ZNF148: variants seen among roughly 807,000 people sequenced by gnomAD.
ZNF148 encodes the protein Beta-Enolase Repressor Factor-1.
Under a neutral mutation model 67.7 loss-of-function variants are expected in ZNF148, and 7 were observed. The observed-to-expected ratio is 0.10, with a 90% CI of 0.06 to 0.19. ZNF148 has a LOEUF of 0.19. Ranked by LOEUF, ZNF148 falls within the 10% of genes least tolerant of loss-of-function variation. The pLI is 1.00. For synonymous variants in ZNF148, 333 were observed against 330.7 expected (o/e 1.01, Z -0.08); for missense variants, 583 against 947.1 (o/e 0.62, Z 5.05).
At position 125,275,927 on chromosome 3, in the gene ZNF148, C is replaced by T. The variant is rs77883177; in HGVS notation, c.667+1799G>A. ...ACACCTGCCCTAAGAACGGACAGCACATGTGTCTCTTCCTCAGGGCACAAT... is the reference window on the plus strand; with the variant it reads ...ACACCTGCCCTAAGAACGGACAGCATATGTGTCTCTTCCTCAGGGCACAAT... On this transcript the variant is annotated intron_variant, in intron 7 of 8. Coordinates refer to ENST00000360647, the MANE Select transcript of ZNF148 (RefSeq NM_021964.3). 5.7e-3 allele frequency among the ~76,000 whole-genome samples: 869 copies of T among 152,284 alleles called. 8 individuals are homozygous for T. Among genetic ancestry groups the T allele is most frequent in the African/African-American group, 0.02 (839 of 41,546 alleles).
chr3:125,232,448 G>T lies in ZNF148; in HGVS notation c.2278C>A (p.Pro760Thr). ...TANGQVNLRG[P>T]GTSAEFSEFP... Reference sequence around the variant, plus strand: ...TCTGAAAATTCAGCACTTGTCCCTGGTCCCCGAAGGTTCACCTGTCCATTG... The same window carrying T: ...TCTGAAAATTCAGCACTTGTCCCTGTTCCCCGAAGGTTCACCTGTCCATTG... The change falls in exon 9 of 9, where the codon CCA (proline) becomes ACA (threonine). Residue 760 changes from proline to threonine, a missense_variant. By Grantham distance (38) the Pro-to-Thr change is conservative. Coordinates refer to ENST00000360647, the MANE Select transcript of ZNF148 (RefSeq NM_021964.3). The surrounding 1 kb of genome is among the most constrained non-coding windows in gnomAD (Gnocchi z 4.2). 1 of 1,613,356 alleles carries T rather than the reference G, an allele frequency of 6.2e-7. No homozygotes were observed. Among genetic ancestry groups the T allele is most frequent in the Non-Finnish European group, 8.5e-7 (1 of 1,179,716 alleles).
At chr3:125,307,922 T>C (rs1430314375) in intron 4 of ZNF148, among the ~76,000 whole-genome samples, 2 of 151,802 alleles carry the variant, frequency 1.3e-5, no homozygotes, top group African/African-American at 4.8e-5. Flanking sequence ...CCTAAAGTGC[T>C]GAGATTACAG....
At chr3:125,300,932 A>G (rs963127054) in intron 4 of ZNF148, among the ~76,000 whole-genome samples, 13 of 147,388 alleles carry the variant, frequency 8.8e-5, no homozygotes, top group Admixed American at 6.9e-4. Context: ...AATGGGTCTG[A>G]TAAGTGTAAA....
chr3:125,335,276 T>G (rs574002113), intron 1 of ZNF148, among the ~76,000 whole-genome samples: 7 of 152,272 alleles, frequency 4.6e-5, no homozygotes, highest in Non-Finnish European at 7.4e-5. Flanking sequence ...TAATTATTAG[T>G]AAAGCTGGAA....
chr3:125,357,077 G>T (rs1440533558), intron 1 of ZNF148: 1 of 152,196 alleles, frequency 6.6e-6, no homozygotes, highest in Non-Finnish European at 1.5e-5. Context: ...GCCTTCGGCG[G>T]CCCCCCCGCT....
intron 1 of ZNF148, among the ~76,000 whole-genome samples, chr3:125,342,088 ATAAAT>A (rs1221548442): frequency 6.6e-6 from 1 of 151,380 alleles, no homozygotes; most frequent in Non-Finnish European, 1.5e-5. Context: ...AGAGAAGAAA[ATAAAT>A]TGAAAAAAGT....
intron 3 of ZNF148, among the ~76,000 whole-genome samples, chr3:125,320,887 T>C (rs1940739922): frequency 6.6e-6 from 1 of 152,170 alleles, no homozygotes; most frequent in Non-Finnish European, 1.5e-5. Flanking sequence ...TTTCTAACCG[T>C]GAGAAATTAT....
At chr3:125,263,451 TGGGGCAGGA>T (rs1412857743) in intron 7 of ZNF148, among the ~76,000 whole-genome samples, 1 of 151,328 alleles carries the variant, frequency 6.6e-6, no homozygotes, top group Non-Finnish European at 1.5e-5. Flanking sequence ...CTCAGGAGGC[TGGGGCAGGA>T]GAATCACTTG....
At chr3:125,296,909 T>TATAG (rs1396155931) in intron 4 of ZNF148, among the ~76,000 whole-genome samples, 1 of 151,364 alleles carries the variant, frequency 6.6e-6, no homozygotes, top group Non-Finnish European at 1.5e-5. Context: ...CAAACACAAA[T>TATAG]ATAGACACAG....
At chr3:125,311,731 A>G (rs1940227127) in intron 4 of ZNF148, among the ~76,000 whole-genome samples, 1 of 152,148 alleles carries the variant, frequency 6.6e-6, no homozygotes, top group Non-Finnish European at 1.5e-5. Flanking sequence ...AAAAGAGAAA[A>G]CACAAATTAC....
intron 1 of ZNF148, among the ~76,000 whole-genome samples, chr3:125,370,544 A>C (rs1485721020): frequency 6.6e-6 from 1 of 152,234 alleles, no homozygotes; most frequent in Non-Finnish European, 1.5e-5. Flanking sequence ...ATTGTCACAA[A>C]TACAAAATTT....
chr3:125,287,717 A>T (rs1202824658), intron 5 of ZNF148, among the ~76,000 whole-genome samples: 1 of 152,212 alleles, frequency 6.6e-6, no homozygotes, highest in Non-Finnish European at 1.5e-5. Flanking sequence ...TGTGAACAAA[A>T]TGAAGTCCCT....
At chr3:125,374,191 T>A (rs1253057303) in intron 1 of ZNF148, among the ~76,000 whole-genome samples, 1 of 152,088 alleles carries the variant, frequency 6.6e-6, no homozygotes, top group African/African-American at 2.4e-5. Flanking sequence ...AATCTAATTC[T>A]CAGTGACCCC....
In ZNF148 at chr3:125,228,667, T is replaced by C. The variant is rs1237940468; in HGVS notation, c.*3674A>G. On this transcript the variant is annotated 3_prime_UTR_variant, in exon 9 of 9. Transcript: ENST00000360647. ...CTTTCAGACAATACAAATTAGCACA[T>C]TGGTACTCACTTCAAAACAAATGGA... The C allele has an allele frequency of 6.6e-5, 10 of 152,572 alleles. No homozygotes were observed. Among genetic ancestry groups the C allele is most frequent in the African/African-American group, 9.7e-5 (4 of 41,450 alleles). The allele number at this position is 152,572 out of a possible 1,614,324, so 9.5% of individuals were successfully genotyped here. A position where few individuals can be genotyped will look rare whatever the true frequency, so the allele number is the denominator to read the frequency against.
intron 3 of ZNF148, among the ~76,000 whole-genome samples, chr3:125,318,343 G>A (rs868714217): frequency 3.9e-5 from 6 of 152,150 alleles, no homozygotes; most frequent in Non-Finnish European, 8.8e-5. Flanking sequence ...ATAATTAACT[G>A]TCTCTTCCTG....
In ZNF148 at chr3:125,231,811, A is replaced by T. The variant is rs1038037345; in HGVS notation, c.*530T>A. The stretch of plus-strand genomic sequence containing the variant: ...AAAATGAAAATCAAGGGTATATGGC[A>T]TATCATTCTTTTTAAAAGGTGGTTT... On this transcript the variant is annotated 3_prime_UTR_variant, in exon 9 of 9. Transcript: ENST00000360647. The T allele has an allele frequency of 6.5e-5, 10 of 152,884 alleles. No individual in the cohort carries two copies. The highest frequency in any genetic ancestry group is 2.4e-4 in the African/African-American group (10 of 41,412). 9.5% of individuals were successfully genotyped at this position (152,884 alleles called of 1,614,324 possible).
intron 7 of ZNF148, among the ~76,000 whole-genome samples, chr3:125,252,667 C>T (rs574347240): frequency 6.6e-6 from 1 of 151,416 alleles, no homozygotes; most frequent in African/African-American, 2.4e-5. Flanking sequence ...AATCAGGAGG[C>T]TGAGGCAGGA....
chr3:125,275,779 C>A (rs1423826324), intron 7 of ZNF148, among the ~76,000 whole-genome samples: 1 of 152,174 alleles, frequency 6.6e-6, no homozygotes, highest in Non-Finnish European at 1.5e-5. Flanking sequence ...AAAAAGAATT[C>A]ATACTCACAC....
chr3:125,364,425 C>T (rs1579912141), intron 1 of ZNF148, among the ~76,000 whole-genome samples: 1 of 151,588 alleles, frequency 6.6e-6, no homozygotes, highest in Admixed American at 6.6e-5. Flanking sequence ...CTTCAAAAAA[C>T]TTGAAACCAT....
Sources: allele counts gnomAD v4.1 joint callset (sites outside exome capture counted in the v4.1 genomes callset), GRCh38; gene constraint gnomAD v4.1.1; non-coding constraint Gnocchi (gnomAD v3.1); transcripts MANE v1.5; gene names NCBI Gene and HGNC (gene_info 2026-07-23, HGNC 2026-07-21).